Variants in CWH43 observed in about 807,000 individuals in gnomAD.
The protein encoded by CWH43 is PGAP2-interacting protein.
CWH43 carries 91 observed loss-of-function variants against 85.7 expected under a neutral mutation model. The observed-to-expected ratio is 1.06, with a 90% CI of 0.90 to 1.26. The LOEUF (loss-of-function observed/expected upper bound fraction) is 1.26. CWH43 is among the 50% of genes most tolerant of loss of function. The pLI, the probability that CWH43 is intolerant of heterozygous loss-of-function variation, is 0.00. For missense variants in CWH43, 869 were observed against 839.2 expected (o/e 1.04, Z -0.44); for synonymous variants, 323 against 293.6 (o/e 1.10, Z -1.02).
chr4:48,997,669 A>G (rs543610083), intron 5 of CWH43, among the ~76,000 whole-genome samples: 38 of 152,290 alleles, frequency 2.5e-4, no homozygotes, highest in South Asian at 2.3e-3. Context: ...TCTTAGTCCT[A>G]TGTGGGCTAC....
At chr4:49,045,746 C>T (rs1012124593) in intron 14 of CWH43, among the ~76,000 whole-genome samples, 7 of 151,884 alleles carry the variant, frequency 4.6e-5, no homozygotes, top group African/African-American at 1.5e-4. Flanking sequence ...TTTTTTAAAT[C>T]GACACATAAT....
intron 13 of CWH43, among the ~76,000 whole-genome samples, chr4:49,041,581 T>C (rs1462888604): frequency 2.6e-5 from 4 of 152,354 alleles, no homozygotes; most frequent in South Asian, 2.1e-4. Context: ...TTGTGGTTTT[T>C]GTACATTGAT....
intron 14 of CWH43, among the ~76,000 whole-genome samples, chr4:49,049,893 C>G (rs1784742444): frequency 6.6e-6 from 1 of 152,184 alleles, no homozygotes; most frequent in African/African-American, 2.4e-5. Flanking sequence ...CTATCACTAC[C>G]TGACTTATTG....
At chr4:48,986,862 G>T (rs1782511943) in intron 1 of CWH43, 5 of 975,514 alleles carry the variant, frequency 5.1e-6, no homozygotes, top group Non-Finnish European at 6.1e-6. Flanking sequence ...TTAAAATTCA[G>T]AAGGAAAGGG....
rs1297501415 is a variant in CWH43 at position 49,010,229 on chromosome 4, A to G, written c.1186+2903A>G. On this transcript the variant is annotated intron_variant, in intron 8 of 15. Coordinates refer to ENST00000226432, the MANE Select transcript of CWH43 (RefSeq NM_025087.3). ...GGAGGGTGTATGTGTACAGGAATTTATCAATGTCTTCTAGATTTTCTAGTT... is the reference window on the plus strand; with the variant it reads ...GGAGGGTGTATGTGTACAGGAATTTGTCAATGTCTTCTAGATTTTCTAGTT... Among the ~76,000 whole-genome samples, 3 of 152,258 alleles carry G rather than the reference A, an allele frequency of 2.0e-5. No individual in the cohort carries two copies. In the East Asian group the frequency reaches 5.8e-4, roughly 29 times the overall value.
chr4:49,060,589 T>G (rs1489952250), intron 15 of CWH43, among the ~76,000 whole-genome samples: 1 of 152,158 alleles, frequency 6.6e-6, no homozygotes, highest in Non-Finnish European at 1.5e-5. Context: ...AGTATCTATC[T>G]CTCTACTTAC....
chr4:49,032,433 C>T lies in CWH43; in HGVS notation c.1509-133C>T, dbSNP rs1184470619. 3.7e-5 allele frequency: 34 copies of T among 929,926 alleles called. 1 individual carries two copies. The highest frequency in any genetic ancestry group is 3.1e-4 in the South Asian group (20 of 64,182). The allele number at this position is 929,926 out of a possible 1,614,324, so 57.6% of individuals were successfully genotyped here. A position where few individuals can be genotyped will look rare whatever the true frequency, so the allele number is the denominator to read the frequency against. ...AATGGACTGCCATATAAGTCTCTGC[C>T]GCATTGCTTTGAATGTCCCTTGGTG... On this transcript the variant is annotated intron_variant, in intron 11 of 15. Transcript: ENST00000226432.
chr4:49,049,982 C>T (rs762627298), intron 14 of CWH43, among the ~76,000 whole-genome samples: 6 of 152,160 alleles, frequency 3.9e-5, no homozygotes, highest in African/African-American at 7.2e-5. Flanking sequence ...ATTTTATTCA[C>T]GACTTATTCC....
rs1361119983 is a variant in CWH43 at position 49,030,877 on chromosome 4, G to A, written c.1425G>A (p.Gly475=). 1 of 1,609,826 alleles carries A rather than the reference G, an allele frequency of 6.2e-7. No individual in the cohort carries two copies. The highest frequency in any genetic ancestry group is 8.5e-7 in the Non-Finnish European group (1 of 1,178,566). The change falls in exon 11 of 16, where the codon GGG becomes GGA. Residue 475 remains glycine (G), a synonymous_variant. Transcript: ENST00000226432. ...LESDASKPYM[G]NNDLTMWLGE... ...GTGATGCTTCTAAGCCCTATATGGGGAACAATGACTTAACCATGTGGCTAG... is the reference window on the plus strand; with the variant it reads ...GTGATGCTTCTAAGCCCTATATGGGAAACAATGACTTAACCATGTGGCTAG...
At chr4:49,048,128 C>T (rs925704146) in intron 14 of CWH43, among the ~76,000 whole-genome samples, 1 of 152,064 alleles carries the variant, frequency 6.6e-6, no homozygotes, top group Non-Finnish European at 1.5e-5. Flanking sequence ...AACGACTTTT[C>T]ATATAGGCTG....
chr4:49,016,598 C>A, intron 8 of CWH43: 1 of 731,240 alleles, frequency 1.4e-6, no homozygotes, highest in Non-Finnish European at 2.5e-6. Flanking sequence ...AAGGAAGGTA[C>A]AGTTTGGATG....
intron 7 of CWH43, among the ~76,000 whole-genome samples, chr4:49,004,640 T>C (rs1783098206): frequency 6.6e-6 from 1 of 152,192 alleles, no homozygotes; most frequent in African/African-American, 2.4e-5. Context: ...TCCTCCTGCC[T>C]TGGCTTCCCA....
chr4:49,053,898 A>G (rs1784874055), intron 15 of CWH43, among the ~76,000 whole-genome samples: 1 of 152,186 alleles, frequency 6.6e-6, no homozygotes, highest in Non-Finnish European at 1.5e-5. Context: ...TTCTGGTCCC[A>G]GTGATTTTGG....
In CWH43 at chr4:49,007,220, C is replaced by G. The variant is rs769722314; in HGVS notation, c.1080C>G (p.Ile360Met). Residue 360 changes from isoleucine to methionine, a missense_variant, in exon 8 of 16, where the codon ATC becomes ATG. Physicochemically the swap from Ile to Met is conservative, Grantham distance 10. This residue lies in a region of CWH43 where 577 missense variants were observed against 513.1 expected (regional missense o/e 1.12). Transcript: ENST00000226432. ...TAACAGGGACAATGATGTTAATTAT[C>G]GGGCTGAATATGCTATTTGGTCCTA... ...DVLLGTMMLI[I>M]GLNMLFGPKK... is the part of the protein sequence containing the mutation. The G allele has an allele frequency of 2.5e-6, 4 of 1,609,796 alleles. No homozygotes were observed.
intron 15 of CWH43, among the ~76,000 whole-genome samples, chr4:49,051,494 G>T (rs570258819): frequency 6.6e-6 from 1 of 152,290 alleles, no homozygotes; most frequent in East Asian, 1.9e-4. Flanking sequence ...TTATTTCCAG[G>T]TTATTCTAAT....
At chr4:49,040,806 G>C (rs934527146) in intron 13 of CWH43, among the ~76,000 whole-genome samples, 19 of 152,164 alleles carry the variant, frequency 1.2e-4, no homozygotes, top group African/African-American at 3.6e-4. Context: ...TTTTAGACAT[G>C]AAGTCCTTGC....
chr4:48,987,006 T>G (rs1276766620), intron 1 of CWH43, among the ~76,000 whole-genome samples: 1 of 152,230 alleles, frequency 6.6e-6, no homozygotes, highest in Non-Finnish European at 1.5e-5. Context: ...TCGAGTCTCA[T>G]CTGCTCTCTC....
chr4:49,025,621 T>C (rs2768978), intron 9 of CWH43, among the ~76,000 whole-genome samples: 92,462 of 152,084 alleles, frequency 0.61, 30,713 homozygotes, highest in Middle Eastern at 0.79. Flanking sequence ...GATTATTTCT[T>C]TTCTGGATCT....
intron 7 of CWH43, among the ~76,000 whole-genome samples, chr4:49,006,979 G>T (rs907281786): frequency 6.6e-6 from 1 of 152,176 alleles, no homozygotes; most frequent in Non-Finnish European, 1.5e-5. Flanking sequence ...TCGGGAAAAG[G>T]CTGGGGTCCT....
Sources: gnomAD v4.1 joint callset for allele counts (sites outside exome capture counted in the v4.1 genomes callset) on GRCh38, gnomAD v4.1.1 for gene constraint, gnomAD v4.1.1 regional missense constraint, MANE v1.5 for transcripts, NCBI Gene and HGNC (gene_info 2026-07-23, HGNC 2026-07-21) for gene names.